Variants in PEDS1 observed in about 807,000 individuals in gnomAD.
PEDS1 encodes CarF homolog.
A neutral mutation model predicts 35.2 loss-of-function variants in PEDS1; 14 were observed. The observed-to-expected ratio is 0.40, with a 90% CI of 0.26 to 0.62. The LOEUF (loss-of-function observed/expected upper bound fraction) is 0.62, where lower values mean the gene tolerates loss of function less well. Ranked by LOEUF, PEDS1 falls within the 20% of genes least tolerant of loss-of-function variation. PEDS1 has a pLI of 0.44. For synonymous variants in PEDS1, 152 were observed against 152.0 expected, an observed-to-expected ratio of 1.00 and a Z score of 0.00; for missense variants, 260 against 367.8, an observed-to-expected ratio of 0.71 and a Z score of 2.40.
chr20:50,134,665 C>A (rs1334584540), intron 2 of PEDS1, among the ~76,000 whole-genome samples: 1 of 152,194 alleles, frequency 6.6e-6, no homozygotes, highest in African/African-American at 2.4e-5. Flanking sequence ...TTCCTTGTTC[C>A]CCGAGTTCTG....
At position 50,151,160 on chromosome 20, in the gene PEDS1, G is replaced by A. The variant is rs2081398756; in HGVS notation, c.121+2357C>T. The A allele has an allele frequency of 3.0e-6, 3 of 1,012,328 alleles. No homozygotes were observed. The South Asian group carries it at 4.2e-5, about 14-fold the overall frequency. 62.7% of individuals were successfully genotyped at this position (1,012,328 alleles called of 1,614,324 possible). ...CACAGTGAGCAGATAGAAGCAGAGA[G>A]GCCAGTGGAAAGGAAGTTGGAGAAA... is the stretch of plus-strand genomic sequence containing the variant. On this transcript the variant is annotated intron_variant, in intron 1 of 5. Coordinates refer to ENST00000371652, the MANE Select transcript of PEDS1 (RefSeq NM_199129.4).
rs2081133022 is a variant in PEDS1, at chr20:50,128,222, G to A, written c.479-35C>T. The A allele has an allele frequency of 6.2e-7, 1 of 1,611,488 alleles. No individual in the cohort carries two copies. The highest frequency in any genetic ancestry group is 1.7e-5 in the Admixed American group (1 of 59,886). ...GGGGAGAGGGGGGGCCGGCACAGCT[G>A]TCACTCGGGACGGGGAACCCACCCC... On this transcript the variant is annotated intron_variant, in intron 4 of 5. Transcript: ENST00000371652. The surrounding 1 kb of genome is among the most constrained non-coding windows in gnomAD (Gnocchi z 5.2).
intron 5 of PEDS1, among the ~76,000 whole-genome samples, chr20:50,125,687 G>A (rs963661126): frequency 3.3e-5 from 5 of 151,992 alleles, no homozygotes; most frequent in African/African-American, 4.8e-5. Context: ...TCCACCTCCC[G>A]GGTTCAAGTG....
In PEDS1 at chr20:50,134,599, G is replaced by A. The variant is rs570575625; in HGVS notation, c.242-3652C>T. 1.1e-4 allele frequency among the ~76,000 whole-genome samples: 17 copies of A among 152,338 alleles called. No homozygotes were observed. In the East Asian group the frequency reaches 1.9e-3, roughly 17 times the overall value. The stretch of plus-strand genomic sequence containing the variant: ...CCTTCATGAAAGAAATAGCTACAGA[G>A]GAGAAGTGGCTGGATGTCATAAGGG... On this transcript the variant is annotated intron_variant, in intron 2 of 5. Transcript: ENST00000371652.
Position 50,120,567 on chromosome 20 carries a change from G to T in PEDS1, c.*4491C>A, listed in dbSNP as rs1453064324. 6.6e-6 allele frequency: 1 copy of T among 151,924 alleles called. No individual in the cohort carries two copies. The highest frequency in any genetic ancestry group is 1.5e-5 in the Non-Finnish European group (1 of 68,106). 9.4% of individuals were successfully genotyped at this position (151,924 alleles called of 1,614,324 possible). A position where few individuals can be genotyped will look rare whatever the true frequency, so the allele number is the denominator to read the frequency against. Reference sequence around the variant, plus strand: ...AAAGGAGGGTTGGCTGGGCGCGGTGGTTCATGCCTGTAATCCCAACACTTA... The same window carrying T: ...AAAGGAGGGTTGGCTGGGCGCGGTGTTTCATGCCTGTAATCCCAACACTTA... On this transcript the variant is annotated 3_prime_UTR_variant, in exon 6 of 6. Coordinates refer to ENST00000371652, the MANE Select transcript of PEDS1 (RefSeq NM_199129.4).
At chr20:50,132,812 G>C (rs972112710) in intron 2 of PEDS1, among the ~76,000 whole-genome samples, 1 of 152,148 alleles carries the variant, frequency 6.6e-6, no homozygotes, top group African/African-American at 2.4e-5. Context: ...TACTGTTGCT[G>C]TCATTGAGTC....
Position 50,123,987 on chromosome 20 carries a change from A to C in PEDS1, c.*1071T>G, listed in dbSNP as rs907405806. ...ACAGGAAAGACCACTGTCCTCACCC[A>C]ATCCCCTCCAAAAGGCTTTGGAGCA... On this transcript the variant is annotated 3_prime_UTR_variant, in exon 6 of 6. Transcript: ENST00000371652. 3 of 152,276 alleles carry C rather than the reference A, an allele frequency of 2.0e-5. No homozygotes were observed. Among genetic ancestry groups the C allele is most frequent in the Non-Finnish European group, 4.4e-5 (3 of 68,032 alleles). The allele number at this position is 152,276 out of a possible 1,614,324, so 9.4% of individuals were successfully genotyped here.
chr20:50,120,053 G>T lies in PEDS1; in HGVS notation c.*5005C>A, dbSNP rs1166911263. On this transcript the variant is annotated 3_prime_UTR_variant, in exon 6 of 6. Transcript: ENST00000371652. ...GGTTGAGGTGGGAGGATCACTTGAG[G>T]CCAGGAGTTTGAGACTACCCTGGGC... The T allele has an allele frequency of 1.3e-5, 2 of 151,824 alleles. No homozygotes were observed. Among genetic ancestry groups the T allele is most frequent in the Non-Finnish European group, 2.9e-5 (2 of 68,164 alleles). The allele number at this position is 151,824 out of a possible 1,614,324, so 9.4% of individuals were successfully genotyped here.
chr20:50,124,861 G>GGAA lies in PEDS1; in HGVS notation c.*194_*196dup. The GGAA allele has an allele frequency of 1.5e-6, 1 of 661,444 alleles. No individual in the cohort carries two copies. The highest frequency in any genetic ancestry group is 2.4e-6 in the Non-Finnish European group (1 of 415,640). The allele number at this position is 661,444 out of a possible 1,614,324, so 41.0% of individuals were successfully genotyped here. A position where few individuals can be genotyped will look rare whatever the true frequency, so the allele number is the denominator to read the frequency against. On this transcript the variant is annotated 3_prime_UTR_variant, in exon 6 of 6. Transcript: ENST00000371652. Reference sequence around the variant, plus strand: ...ACTCAGGTGGCTGAGGAGGGGCCGAGGAAAAAAAAAAAAAAGAAATGAAAA... The same window carrying GGAA: ...ACTCAGGTGGCTGAGGAGGGGCCGAGGAAGAAAAAAAAAAAAAAGAAATGAAAA...
chr20:50,136,309 G>A (rs1370219531), intron 2 of PEDS1, among the ~76,000 whole-genome samples: 1 of 152,134 alleles, frequency 6.6e-6, no homozygotes, highest in Non-Finnish European at 1.5e-5. Flanking sequence ...ACAGTAGTTG[G>A]GTTAACACTG....
chr20:50,128,240 C>G lies in PEDS1; in HGVS notation c.479-53G>C. On this transcript the variant is annotated intron_variant, in intron 4 of 5. Coordinates refer to ENST00000371652, the MANE Select transcript of PEDS1 (RefSeq NM_199129.4). The surrounding 1 kb of genome is among the most constrained non-coding windows in gnomAD (Gnocchi z 5.2). The stretch of plus-strand genomic sequence containing the variant: ...CACAGCTGTCACTCGGGACGGGGAA[C>G]CCACCCCAAATGGCCCTCACCACCT... 1 of 1,602,788 alleles carries G rather than the reference C, an allele frequency of 6.2e-7. No homozygotes were observed. The highest frequency in any genetic ancestry group is 1.1e-5 in the South Asian group (1 of 89,972).
rs933426799 is a variant in PEDS1 at position 50,120,295 on chromosome 20, A to ACAAACAAACAAC, written c.*4762_*4763insGTTGTTTGTTTG. 4 of 217,426 alleles carry ACAAACAAACAAC rather than the reference A, an allele frequency of 1.8e-5. No individual in the cohort carries two copies. The highest frequency in any genetic ancestry group is 2.9e-5 in the Non-Finnish European group (3 of 105,148). 13.5% of individuals were successfully genotyped at this position (217,426 alleles called of 1,614,324 possible). A position where few individuals can be genotyped will look rare whatever the true frequency, so the allele number is the denominator to read the frequency against. On this transcript the variant is annotated 3_prime_UTR_variant, in exon 6 of 6. Transcript: ENST00000371652. ...AACAAACAAACAAACAAACAAACAAACAACCCACAAAAGCTTCTGAGCTAT... is the reference window on the plus strand; with the variant it reads ...AACAAACAAACAAACAAACAAACAAACAAACAAACAACCAACCCACAAAAGCTTCTGAGCTAT...
intron 2 of PEDS1, among the ~76,000 whole-genome samples, chr20:50,141,555 T>C (rs1196754838): frequency 1.3e-5 from 2 of 152,208 alleles, no homozygotes; most frequent in East Asian, 3.8e-4. Context: ...TAAATGAGGC[T>C]GAGAGATGCA....
At chr20:50,152,272 T>TGGAA (rs1452343225) in intron 1 of PEDS1, among the ~76,000 whole-genome samples, 1 of 152,164 alleles carries the variant, frequency 6.6e-6, no homozygotes, top group Non-Finnish European at 1.5e-5. Flanking sequence ...AGAGACGGCA[T>TGGAA]GGAACCCAGG....
At chr20:50,131,493 G>A (rs2081179648) in intron 2 of PEDS1, among the ~76,000 whole-genome samples, 1 of 151,856 alleles carries the variant, frequency 6.6e-6, no homozygotes, top group Non-Finnish European at 1.5e-5. Flanking sequence ...GTGGTGGCAT[G>A]CGCCTGTAGT....
At position 50,142,779 on chromosome 20, in the gene PEDS1, A is replaced by G. The variant is rs6020288; in HGVS notation, c.241+723T>C. Among the ~76,000 whole-genome samples, 34 of 145,386 alleles carry G rather than the reference A, an allele frequency of 2.3e-4. 1 individual carries two copies. Among genetic ancestry groups the G allele is most frequent in the African/African-American group, 8.4e-4 (33 of 39,430 alleles). On this transcript the variant is annotated intron_variant, in intron 2 of 5. Coordinates refer to ENST00000371652, the MANE Select transcript of PEDS1 (RefSeq NM_199129.4). ...GGCTGCTATGTTTTGTGGGGCAATC[A>G]CACCTCCTCTGCTGAGAGGAGGTGA...
chr20:50,118,734 C>T lies in PEDS1; in HGVS notation c.*6324G>A, dbSNP rs1003753413. 2.0e-5 allele frequency: 3 copies of T among 152,082 alleles called. No individual in the cohort carries two copies. Among genetic ancestry groups the T allele is most frequent in the African/African-American group, 7.2e-5 (3 of 41,380 alleles). The allele number at this position is 152,082 out of a possible 1,614,324, so 9.4% of individuals were successfully genotyped here. ...TCCTGGGTTCAAGCAATTCTCCTGC[C>T]TCAGCCTCCCAAGTAGCTGGGATTA... On this transcript the variant is annotated 3_prime_UTR_variant, in exon 6 of 6. Coordinates refer to ENST00000371652, the MANE Select transcript of PEDS1 (RefSeq NM_199129.4).
chr20:50,152,320 G>A (rs2081412801), intron 1 of PEDS1, among the ~76,000 whole-genome samples: 1 of 152,186 alleles, frequency 6.6e-6, no homozygotes, highest in South Asian at 2.1e-4. Flanking sequence ...AGTGACCCCA[G>A]GCCCACTCCA....
At chr20:50,143,822 C>T in intron 1 of PEDS1, among the ~76,000 whole-genome samples, 2 of 151,996 alleles carry the variant, frequency 1.3e-5, no homozygotes, top group Non-Finnish European at 2.9e-5. Context: ...CTCAGCCTCC[C>T]GAGTAGCTGG....
Sources: gnomAD v4.1 joint callset for allele counts (sites outside exome capture counted in the v4.1 genomes callset) on GRCh38, gnomAD v4.1.1 for gene constraint, Gnocchi (gnomAD v3.1) non-coding constraint, MANE v1.5 for transcripts, NCBI Gene and HGNC (gene_info 2026-07-23, HGNC 2026-07-21) for gene names.